Variants in DDHD1 observed in about 807,000 individuals in gnomAD.
DDHD1 encodes phospholipase DDHD1.
A neutral mutation model predicts 96.4 loss-of-function variants in DDHD1; 49 were observed. The observed-to-expected ratio is 0.51, with a 90% CI of 0.40 to 0.64. The LOEUF (loss-of-function observed/expected upper bound fraction) is 0.64. Ranked by LOEUF, DDHD1 falls within the 30% of genes least tolerant of loss-of-function variation. The probability of loss-of-function intolerance (pLI) is 0.00; values close to 1 mark genes in which losing one functional copy is unlikely to be tolerated. For missense variants in DDHD1, 1,106 were observed against 1,161.2 expected (o/e 0.95, Z 0.69); for synonymous variants, 442 against 446.5 (o/e 0.99, Z 0.13).
chr14:53,152,710 G>A lies in DDHD1; in HGVS notation c.389C>T (p.Ser130Leu), dbSNP rs1354592084. The A allele has an allele frequency of 1.2e-6, 2 of 1,606,688 alleles. No homozygotes were observed. The highest frequency in any genetic ancestry group is 2.2e-5 in the East Asian group (1 of 44,560). The stretch of plus-strand genomic sequence containing the variant: ...CCCTCCTGTCGCGCCGCCGCCCCCC[G>A]AGTTCGTCGGGACCAGCGGAGGCTG... ...PQQPPLVPTN[S>L]GGGGATGGSP... Residue 130 changes from serine (S) to leucine (L), a missense_variant, in exon 1 of 13, where the codon TCG (serine) becomes TTG (leucine). Transcript: ENST00000673822.
At chr14:53,150,488 C>CA (rs1362886678) in intron 1 of DDHD1, among the ~76,000 whole-genome samples, 1 of 152,152 alleles carries the variant, frequency 6.6e-6, no homozygotes, top group African/African-American at 2.4e-5. Context: ...TAATCAATGT[C>CA]AAAAATCACT....
At position 53,135,545 on chromosome 14, in the gene DDHD1, G is replaced by A. The variant is rs368464063; in HGVS notation, c.838+16716C>T. Reference sequence around the variant, plus strand: ...TGGCAGACTCTCTTCACATGGACGCGTGTGACACACAACACATCTCAATTC... The same window carrying A: ...TGGCAGACTCTCTTCACATGGACGCATGTGACACACAACACATCTCAATTC... On this transcript the variant is annotated intron_variant, in intron 1 of 12. Coordinates refer to ENST00000673822, the MANE Select transcript of DDHD1 (RefSeq NM_001160148.2). Among the ~76,000 whole-genome samples, 42 of 152,278 alleles carry A rather than the reference G, an allele frequency of 2.8e-4. No homozygotes were observed. The South Asian group carries it at 4.1e-3, about 15-fold the overall frequency.
intron 12 of DDHD1, chr14:53,048,472 G>C (rs1025113369): frequency 3.3e-5 from 5 of 151,744 alleles, no homozygotes; most frequent in Admixed American, 6.6e-5. Context: ...CGAGTAGCTG[G>C]GATTACAGGT....
At chr14:53,151,378 T>G (rs1891352507) in intron 1 of DDHD1, among the ~76,000 whole-genome samples, 1 of 152,228 alleles carries the variant, frequency 6.6e-6, no homozygotes, top group African/African-American at 2.4e-5. Flanking sequence ...TCCTATATAT[T>G]ACATACGTAA....
chr14:53,084,652 T>A (rs1439738823), intron 4 of DDHD1, among the ~76,000 whole-genome samples: 3 of 152,126 alleles, frequency 2.0e-5, no homozygotes, highest in Non-Finnish European at 4.4e-5. Flanking sequence ...AATTGTGAGG[T>A]CTTTTCCAAG....
intron 6 of DDHD1, among the ~76,000 whole-genome samples, chr14:53,069,037 T>C (rs1884294260): frequency 6.6e-6 from 1 of 152,234 alleles, no homozygotes; most frequent in Non-Finnish European, 1.5e-5. Context: ...TATAATTTTT[T>C]CAATGATCTA....
At chr14:53,102,955 G>T in intron 2 of DDHD1, 1 of 1,405,660 alleles carries the variant, frequency 7.1e-7, no homozygotes, top group Non-Finnish European at 9.8e-7. Flanking sequence ...AGACTAGCAT[G>T]GATGAAGAAA....
At chr14:53,104,060 G>A (rs1887510021) in intron 1 of DDHD1, among the ~76,000 whole-genome samples, 2 of 152,150 alleles carry the variant, frequency 1.3e-5, no homozygotes, top group Admixed American at 1.3e-4. Context: ...GTGCAGTAGT[G>A]TGACCACAGC....
intron 3 of DDHD1, chr14:53,092,392 T>C (rs1009217077): frequency 2.6e-5 from 4 of 152,154 alleles, no homozygotes; most frequent in African/African-American, 7.2e-5. Flanking sequence ...CATAAAAAGA[T>C]ATTCAAAGCA....
intron 1 of DDHD1, among the ~76,000 whole-genome samples, chr14:53,120,346 T>C (rs965124853): frequency 6.6e-6 from 1 of 152,224 alleles, no homozygotes; most frequent in East Asian, 1.9e-4. Context: ...TTAGGAAGAA[T>C]CAATATCGTG....
intron 1 of DDHD1, among the ~76,000 whole-genome samples, chr14:53,125,057 G>A (rs1246623890): frequency 1.3e-5 from 2 of 152,128 alleles, no homozygotes; most frequent in Non-Finnish European, 2.9e-5. Flanking sequence ...CTGGATTAGG[G>A]AAGTTTAGGA....
chr14:53,059,337 T>C (rs571369064), intron 8 of DDHD1, among the ~76,000 whole-genome samples: 100 of 152,168 alleles, frequency 6.6e-4, no homozygotes, highest in Non-Finnish European at 1.2e-3. Context: ...CTCCGCCTCC[T>C]GGGTTCACGC....
In DDHD1 at chr14:53,152,743, G is replaced by T. The variant is rs767348211; in HGVS notation, c.356C>A (p.Pro119Gln). 1 of 1,585,646 alleles carries T rather than the reference G, an allele frequency of 6.3e-7. No individual in the cohort carries two copies. Among genetic ancestry groups the T allele is most frequent in the East Asian group, 2.3e-5 (1 of 43,572 alleles). ...CGGGACCAGCGGAGGCTGCTGCGGCGGGTGCAGCGACAAGGAGCTGCCGCC... is the reference window on the plus strand; with the variant it reads ...CGGGACCAGCGGAGGCTGCTGCGGCTGGTGCAGCGACAAGGAGCTGCCGCC... ...GGGGSSLSLH[P>Q]PQQPPLVPTN... Residue 119 changes from proline to glutamine, a missense_variant, in exon 1 of 13, where the codon CCG becomes CAG. Coordinates refer to ENST00000673822, the MANE Select transcript of DDHD1 (RefSeq NM_001160148.2).
At chr14:53,057,439 G>C (rs1369627422) in intron 9 of DDHD1, among the ~76,000 whole-genome samples, 1 of 151,888 alleles carries the variant, frequency 6.6e-6, no homozygotes, top group Non-Finnish European at 1.5e-5. Flanking sequence ...ACATAATAGA[G>C]AATAGAAAAA....
intron 12 of DDHD1, among the ~76,000 whole-genome samples, chr14:53,047,444 T>C (rs1882114668): frequency 6.6e-6 from 1 of 152,206 alleles, no homozygotes; most frequent in Non-Finnish European, 1.5e-5. Context: ...ACCATCTGTG[T>C]ACAATCCTAG....
At position 53,077,953 on chromosome 14, in the gene DDHD1, TC is replaced by T. The variant is rs201822574; in HGVS notation, c.1290-4107del. 1.5e-3 allele frequency among the ~76,000 whole-genome samples: 230 copies of T among 152,326 alleles called. 5 individuals are homozygous for T. The East Asian group carries it at 0.043, about 28-fold the overall frequency. On this transcript the variant is annotated intron_variant, in intron 4 of 12. Transcript: ENST00000673822. ...AGTCTCATCCATGTTGCATCATAAATCAGTACTTCATTGCTTTTCATTGTTG... is the reference window on the plus strand; with the variant it reads ...AGTCTCATCCATGTTGCATCATAAATAGTACTTCATTGCTTTTCATTGTTG...
At chr14:53,117,978 T>C (rs1888680639) in intron 1 of DDHD1, among the ~76,000 whole-genome samples, 1 of 152,086 alleles carries the variant, frequency 6.6e-6, no homozygotes, top group African/African-American at 2.4e-5. Flanking sequence ...AGCAGCAATA[T>C]TTGTTGTTCT....
intron 6 of DDHD1, among the ~76,000 whole-genome samples, 173 bp downstream of exon 6, chr14:53,072,424 G>A (rs1884585306): frequency 6.6e-6 from 1 of 151,436 alleles, no homozygotes; most frequent in African/African-American, 2.4e-5. Context: ...TTTTATTAAG[G>A]GTCACAATGT....
At chr14:53,105,685 G>A (rs1887636776) in intron 1 of DDHD1, among the ~76,000 whole-genome samples, 1 of 151,944 alleles carries the variant, frequency 6.6e-6, no homozygotes, top group African/African-American at 2.4e-5. Context: ...TGTTTTATAT[G>A]TCTCTTGTGT....
Sources: allele counts gnomAD v4.1 joint callset (sites outside exome capture counted in the v4.1 genomes callset), GRCh38; gene constraint gnomAD v4.1.1; transcripts MANE v1.5; gene names NCBI Gene and HGNC (gene_info 2026-07-23, HGNC 2026-07-21).